Variants in RBM47 observed in about 807,000 individuals in gnomAD.
RBM47 encodes the protein RNA-binding protein 47.
RBM47 carries 21 observed loss-of-function variants against 47.1 expected under a neutral mutation model. The ratio of observed to expected loss-of-function variants is 0.45; its 90% CI spans 0.32 to 0.64. The LOEUF (loss-of-function observed/expected upper bound fraction) is 0.64. Among genes scored for constraint, RBM47 ranks in the 30% least tolerant of loss-of-function variants. RBM47 has a pLI of 0.05. For synonymous variants in RBM47, 375 were observed against 361.7 expected (o/e 1.04, Z -0.42); for missense variants, 708 against 870.9 (o/e 0.81, Z 2.35).
chr4:40,528,949 A>AAAATAAAT (rs1553896750), intron 2 of RBM47, among the ~76,000 whole-genome samples: 28 of 88,650 alleles, frequency 3.2e-4, no homozygotes, highest in Middle Eastern at 6.7e-3. Context: ...TCTCAAAAAA[A>AAAATAAAT]AAATAAATAA....
intron 2 of RBM47, among the ~76,000 whole-genome samples, chr4:40,523,209 C>T (rs1726372820): frequency 6.6e-6 from 1 of 151,868 alleles, no homozygotes; most frequent in Non-Finnish European, 1.5e-5. Flanking sequence ...TCAAGTGACC[C>T]ACCCGCCTCA....
At chr4:40,573,234 T>A (rs16852350) in intron 1 of RBM47, among the ~76,000 whole-genome samples, 27,372 of 151,050 alleles carry the variant, frequency 0.18, 2,868 homozygotes, top group African/African-American at 0.23. Context: ...AACCAGAGAA[T>A]TTGGTAAGCA....
At chr4:40,546,202 G>A (rs759683801) in intron 1 of RBM47, among the ~76,000 whole-genome samples, 2 of 151,704 alleles carry the variant, frequency 1.3e-5, no homozygotes, top group Admixed American at 6.6e-5. Context: ...CCAGGCTGGA[G>A]TGCAGTGGCA....
At chr4:40,502,675 T>C (rs1038545741) in intron 2 of RBM47, among the ~76,000 whole-genome samples, 1 of 151,856 alleles carries the variant, frequency 6.6e-6, no homozygotes, top group East Asian at 1.9e-4. Flanking sequence ...GGAAACGCCA[T>C]CTTTACAAAA....
chr4:40,452,680 A>G (rs958996010), intron 3 of RBM47, among the ~76,000 whole-genome samples: 1 of 120,042 alleles, frequency 8.3e-6, no homozygotes, highest in African/African-American at 2.7e-5. Flanking sequence ...AATACATAAC[A>G]CTACTGCAGT....
intron 1 of RBM47, among the ~76,000 whole-genome samples, chr4:40,605,919 G>A (rs1735717326): frequency 6.6e-6 from 1 of 151,888 alleles, no homozygotes; most frequent in African/African-American, 2.4e-5. Context: ...TAAAACAAAA[G>A]TGAGTTGATT....
At chr4:40,620,853 T>A (rs1474209289) in intron 1 of RBM47, among the ~76,000 whole-genome samples, 14 of 152,140 alleles carry the variant, frequency 9.2e-5, no homozygotes, top group Admixed American at 9.2e-4. Context: ...ATTTCTAATG[T>A]CCCATTCAGT....
At chr4:40,556,915 C>T (rs1166489733) in intron 1 of RBM47, among the ~76,000 whole-genome samples, 4 of 146,908 alleles carry the variant, frequency 2.7e-5, no homozygotes, top group African/African-American at 7.6e-5. Context: ...TATACATTTA[C>T]ATGATGAGGT....
chr4:40,460,288 G>A (rs1032475900), intron 3 of RBM47, among the ~76,000 whole-genome samples: 11 of 151,214 alleles, frequency 7.3e-5, no homozygotes, highest in African/African-American at 1.9e-4. Flanking sequence ...TCAGGAATTC[G>A]GTAGAGATTT....
At chr4:40,436,684 C>T in intron 4 of RBM47, 37 bp from the exon 5 acceptor site, 1 of 1,598,314 alleles carries the variant, frequency 6.3e-7, no homozygotes, top group Non-Finnish European at 8.6e-7. Context: ...CAGCAACCAA[C>T]AGTGACGGTG....
rs531628786 is a variant in RBM47 at position 40,588,882 on chromosome 4, C to G, written c.-240+40514G>C. Among the ~76,000 whole-genome samples the G allele has an allele frequency of 2.7e-5, 4 of 150,860 alleles. No homozygotes were observed. In the East Asian group the frequency reaches 7.8e-4, roughly 29 times the overall value. On this transcript the variant is annotated intron_variant, in intron 1 of 6. Coordinates refer to ENST00000295971, the MANE Select transcript of RBM47 (RefSeq NM_001098634.2). ...TGGCCGACGTGTTTGCTGTTATGTT[C>G]TCTTTCAGTCCCTTTTTGTGTGCCA...
chr4:40,455,588 C>A (rs1577676045), intron 3 of RBM47: 1 of 152,142 alleles, frequency 6.6e-6, no homozygotes, highest in Non-Finnish European at 1.5e-5. Flanking sequence ...CATAGTGAGA[C>A]CCTGTCTCTA....
intron 1 of RBM47, among the ~76,000 whole-genome samples, chr4:40,621,429 T>C (rs536602094): frequency 6.6e-6 from 1 of 152,278 alleles, no homozygotes; most frequent in African/African-American, 2.4e-5. Flanking sequence ...CAAGTATTTG[T>C]ACAAAGGTTC....
At chr4:40,448,152 C>T (rs1424523025) in intron 3 of RBM47, among the ~76,000 whole-genome samples, 1 of 151,064 alleles carries the variant, frequency 6.6e-6, no homozygotes, top group East Asian at 1.9e-4. Flanking sequence ...GCCGAGACTG[C>T]GCCACTGCAC....
At chr4:40,615,496 T>A (rs1245231027) in intron 1 of RBM47, among the ~76,000 whole-genome samples, 2 of 152,052 alleles carry the variant, frequency 1.3e-5, no homozygotes, top group African/African-American at 4.8e-5. Flanking sequence ...AAAAACAGAA[T>A]TTAGCCAGAT....
chr4:40,569,709 C>G lies in RBM47; in HGVS notation c.-239-25203G>C, dbSNP rs1031869925. 1.3e-4 allele frequency among the ~76,000 whole-genome samples: 18 copies of G among 137,226 alleles called. 1 individual carries two copies. The highest frequency in any genetic ancestry group is 1.1e-3 in the Admixed American group (15 of 13,742). The allele number at this position is 137,226 out of a possible 152,430, so 90.0% of individuals were successfully genotyped here. ...CAGGCGTGAGTCACCACGCCCGGCT[C>G]TATTCTCATTTTTTTTTTTGAGATG... On this transcript the variant is annotated intron_variant, in intron 1 of 6. Coordinates refer to ENST00000295971, the MANE Select transcript of RBM47 (RefSeq NM_001098634.2).
At chr4:40,556,245 A>G (rs1325962470) in intron 1 of RBM47, among the ~76,000 whole-genome samples, 1 of 151,992 alleles carries the variant, frequency 6.6e-6, no homozygotes, top group Non-Finnish European at 1.5e-5. Context: ...CATGTTGGCC[A>G]GACTGTTCTC....
intron 1 of RBM47, among the ~76,000 whole-genome samples, chr4:40,557,843 C>G (rs2154265798): frequency 6.6e-6 from 1 of 152,360 alleles, no homozygotes; most frequent in African/African-American, 2.4e-5. Context: ...AAGGCCTTCT[C>G]CCACCTCTGA....
At chr4:40,617,683 G>A (rs1736877981) in intron 1 of RBM47, among the ~76,000 whole-genome samples, 1 of 150,302 alleles carries the variant, frequency 6.7e-6, no homozygotes, top group Non-Finnish European at 1.5e-5. Context: ...TAATGTGATT[G>A]AATATTAAAT....
Sources: allele counts gnomAD v4.1 joint callset (sites outside exome capture counted in the v4.1 genomes callset), GRCh38; gene constraint gnomAD v4.1.1; transcripts MANE v1.5; gene names NCBI Gene and HGNC (gene_info 2026-07-23, HGNC 2026-07-21).